CHSY1: variants seen among roughly 807,000 people sequenced by gnomAD.
CHSY1 encodes the protein chondroitin sulfate synthase 1.
Under a neutral mutation model 59.8 loss-of-function variants are expected in CHSY1, and 13 were observed. The observed-to-expected ratio is 0.22, with a 90% confidence interval of 0.14 to 0.35. CHSY1 has a LOEUF of 0.35. Among genes scored for constraint, CHSY1 ranks in the 10% least tolerant of loss-of-function variants. CHSY1 has a pLI of 1.00. For missense variants in CHSY1, 947 were observed against 1,030.6 expected (o/e 0.92, Z 1.11); for synonymous variants, 459 against 401.2 (o/e 1.14, Z -1.72).
intron 2 of CHSY1, among the ~76,000 whole-genome samples, chr15:101,206,786 G>C (rs925535833): frequency 6.6e-6 from 1 of 152,136 alleles, no homozygotes; most frequent in Non-Finnish European, 1.5e-5. Flanking sequence ...TATTCCCAGG[G>C]TTTTGGGGCA....
chr15:101,219,163 A>G (rs113088894), intron 2 of CHSY1, among the ~76,000 whole-genome samples: 74 of 152,356 alleles, frequency 4.9e-4, no homozygotes, highest in Middle Eastern at 3.4e-3. Context: ...AAAGAATAAG[A>G]TAACTTTAAA....
intron 2 of CHSY1, among the ~76,000 whole-genome samples, chr15:101,209,813 G>T (rs1474940811): frequency 2.6e-5 from 4 of 152,210 alleles, no homozygotes; most frequent in Admixed American, 6.5e-5. Context: ...TAGTGTGGAA[G>T]ATGTGAGGAC....
Position 101,177,250 on chromosome 15 carries a change from C to T in CHSY1, c.*138G>A. ...TGATCACCTTCTTGTTCAGAAAGCT[C>T]AATCTTAAAGGAGTCCTATGTAAGA... On this transcript the variant is annotated 3_prime_UTR_variant, in exon 3 of 3. Transcript: ENST00000254190. 2.7e-6 allele frequency: 2 copies of T among 744,630 alleles called. No individual in the cohort carries two copies. Among genetic ancestry groups the T allele is most frequent in the Non-Finnish European group, 4.2e-6 (2 of 473,790 alleles). 46.1% of individuals were successfully genotyped at this position (744,630 alleles called of 1,614,324 possible). A position where few individuals can be genotyped will look rare whatever the true frequency, so the allele number is the denominator to read the frequency against.
chr15:101,204,181 C>T (rs2038601295), intron 2 of CHSY1, among the ~76,000 whole-genome samples: 1 of 152,154 alleles, frequency 6.6e-6, no homozygotes, highest in Admixed American at 6.5e-5. Context: ...ACCTGTAAAT[C>T]CCAGCATTTT....
intron 2 of CHSY1, among the ~76,000 whole-genome samples, chr15:101,186,234 C>G (rs934445426): frequency 6.7e-6 from 1 of 149,512 alleles, no homozygotes; most frequent in African/African-American, 2.5e-5. Flanking sequence ...GTGGGAGAAT[C>G]AATTGAGTCT....
At chr15:101,209,855 A>C (rs1478815745) in intron 2 of CHSY1, among the ~76,000 whole-genome samples, 1 of 152,242 alleles carries the variant, frequency 6.6e-6, no homozygotes, top group Non-Finnish European at 1.5e-5. Context: ...ATCTACTGGC[A>C]TGTGACTGAT....
At chr15:101,237,337 C>T (rs2038955644) in intron 1 of CHSY1, among the ~76,000 whole-genome samples, 1 of 151,568 alleles carries the variant, frequency 6.6e-6, no homozygotes, top group African/African-American at 2.4e-5. Flanking sequence ...AGAGGGAATG[C>T]GGCAGAAGAC....
At chr15:101,221,365 T>C (rs965620659) in intron 2 of CHSY1, among the ~76,000 whole-genome samples, 1 of 152,138 alleles carries the variant, frequency 6.6e-6, no homozygotes, top group Admixed American at 6.5e-5. Flanking sequence ...TGCTGGGGTG[T>C]ACCTGTAATT....
intron 2 of CHSY1, among the ~76,000 whole-genome samples, chr15:101,215,061 C>T (rs926602236): frequency 3.3e-5 from 5 of 152,204 alleles, no homozygotes; most frequent in South Asian, 2.1e-4. Context: ...CCCACTTTGC[C>T]TTCCACCATG....
chr15:101,189,824 A>G (rs1262869563), intron 2 of CHSY1, among the ~76,000 whole-genome samples: 1 of 152,264 alleles, frequency 6.6e-6, no homozygotes. Flanking sequence ...TAAAGACTCC[A>G]GCGGCGCTGG....
At chr15:101,238,763 A>G (rs576688179) in intron 1 of CHSY1, among the ~76,000 whole-genome samples, 269 of 152,366 alleles carry the variant, frequency 1.8e-3, no homozygotes, top group African/African-American at 6.2e-3. Context: ...AAACAAATTC[A>G]GCCCAGACAT....
At chr15:101,189,490 G>A (rs2038416088) in intron 2 of CHSY1, 1 of 985,334 alleles carries the variant, frequency 1.0e-6, no homozygotes, top group Non-Finnish European at 1.2e-6. Context: ...GTGCCACACA[G>A]GCCCAGTGCA....
chr15:101,186,847 A>T (rs566784102), intron 2 of CHSY1: 1 of 152,438 alleles, frequency 6.6e-6, no homozygotes, highest in South Asian at 2.1e-4. Flanking sequence ...AACAGACAAA[A>T]AACACAAAAA....
intron 1 of CHSY1, among the ~76,000 whole-genome samples, chr15:101,239,382 G>A (rs1268175560): frequency 6.6e-6 from 1 of 152,224 alleles, no homozygotes; most frequent in African/African-American, 2.4e-5. Context: ...TGCCTTCAAA[G>A]AACAACCAAC....
intron 2 of CHSY1, among the ~76,000 whole-genome samples, chr15:101,181,663 C>T (rs2038279833): frequency 6.6e-6 from 1 of 152,240 alleles, no homozygotes; most frequent in South Asian, 2.1e-4. Flanking sequence ...CTCAACAGTG[C>T]TTCAAGACAG....
At position 101,235,064 on chromosome 15, in the gene CHSY1, A is replaced by G. The variant is rs758690160; in HGVS notation, c.816+18T>C. ...GACAAAATTAAGTTTTTCCCATGGTAAAGAATTCTGTTCTTACCTCATAAG... is the reference window on the plus strand; with the variant it reads ...GACAAAATTAAGTTTTTCCCATGGTGAAGAATTCTGTTCTTACCTCATAAG... On this transcript the variant is annotated intron_variant, in intron 2 of 2. Coordinates refer to ENST00000254190, the MANE Select transcript of CHSY1 (RefSeq NM_014918.5). 2.5e-6 allele frequency: 4 copies of G among 1,612,356 alleles called. No homozygotes were observed. Among genetic ancestry groups the G allele is most frequent in the Non-Finnish European group, 1.7e-6 (2 of 1,180,020 alleles).
At chr15:101,225,722 G>A (rs191916893) in intron 2 of CHSY1, among the ~76,000 whole-genome samples, 1 of 152,250 alleles carries the variant, frequency 6.6e-6, no homozygotes, top group East Asian at 1.9e-4. Flanking sequence ...TGTGCTTACT[G>A]AACCACCAGC....
At chr15:101,196,241 A>T (rs999951157) in intron 2 of CHSY1, among the ~76,000 whole-genome samples, 2 of 152,044 alleles carry the variant, frequency 1.3e-5, no homozygotes, top group African/African-American at 4.8e-5. Flanking sequence ...AAAAAAAAAA[A>T]AAAAACATAT....
intron 2 of CHSY1, among the ~76,000 whole-genome samples, chr15:101,231,861 CA>C (rs2038895981): frequency 1.3e-5 from 2 of 152,194 alleles, no homozygotes; most frequent in South Asian, 4.1e-4. Flanking sequence ...TAATAATTCT[CA>C]AAAACACCTC....
Sources: gnomAD v4.1 joint callset for allele counts (sites outside exome capture counted in the v4.1 genomes callset) on GRCh38, gnomAD v4.1.1 for gene constraint, MANE v1.5 for transcripts, NCBI Gene and HGNC (gene_info 2026-07-23, HGNC 2026-07-21) for gene names.